ACSL6: variants seen among roughly 807,000 people sequenced by gnomAD.
ACSL6 encodes the protein acyl-CoA synthetase long chain family member 6, also known as long-chain-fatty-acid--CoA ligase 6.
In ACSL6, 47 loss-of-function variants were observed where a neutral mutation model predicts 98.2. That is an observed-to-expected ratio of 0.48 (90% confidence interval 0.38 to 0.61). ACSL6 has a LOEUF of 0.61. Ranked by LOEUF, ACSL6 falls within the 20% of genes least tolerant of loss-of-function variation. The pLI is 0.00. For synonymous variants in ACSL6, 362 were observed against 336.9 expected (o/e 1.07, Z -0.82); for missense variants, 761 against 913.4 (o/e 0.83, Z 2.15).
At chr5:131,993,577 C>T (rs1002811193) in intron 2 of ACSL6, among the ~76,000 whole-genome samples, 4 of 152,220 alleles carry the variant, frequency 2.6e-5, no homozygotes, top group African/African-American at 9.6e-5. Flanking sequence ...CCCTTGTCCA[C>T]TGGCCCTTGT....
At position 132,011,405 on chromosome 5, in the gene ACSL6, G is replaced by C; in HGVS notation, c.49+100C>G. On this transcript the variant is annotated intron_variant, in intron 1 of 20. Transcript: ENST00000651883. The surrounding 1 kb of genome is among the most constrained non-coding windows in gnomAD (Gnocchi z 5.4). ...GGGACAGCTCAGCAGCAGGGGATGG[G>C]GGCTCGGCGGCCGCGGAGATGTAAC... 3.1e-6 allele frequency: 4 copies of C among 1,296,732 alleles called. No individual in the cohort carries two copies. Among genetic ancestry groups the C allele is most frequent in the East Asian group, 2.5e-5 (1 of 40,758 alleles). The allele number at this position is 1,296,732 out of a possible 1,614,324, so 80.3% of individuals were successfully genotyped here.
intron 9 of ACSL6, chr5:131,984,923 A>C: frequency 5.2e-6 from 1 of 192,974 alleles, no homozygotes; most frequent in Non-Finnish European, 1.1e-5. Context: ...CAGATGAGAA[A>C]CTGGGGACAC....
At position 131,962,579 on chromosome 5, in the gene ACSL6, T is replaced by G; in HGVS notation, c.1813A>C (p.Ser605Arg). Residue 605 changes from serine to arginine, a missense_variant, in exon 18 of 21, where the codon AGC (serine) becomes CGC (arginine). Ser to Arg is a moderately radical substitution (Grantham distance 110). Coordinates refer to ENST00000651883, the MANE Select transcript of ACSL6 (RefSeq NM_001009185.3). ...ACATAGATTTGCGCCACAGGTTGGC[T>G]CCGGATGTAGATGTTCTCAATCTTC... is the stretch of plus-strand genomic sequence containing the variant. The part of the protein sequence containing the change: ...PEKIENIYIR[S>R]QPVAQIYVHG... 6.2e-7 allele frequency: 1 copy of G among 1,614,144 alleles called. No individual in the cohort carries two copies. Among genetic ancestry groups the G allele is most frequent in the South Asian group, 1.1e-5 (1 of 91,080 alleles).
At chr5:131,974,851 A>G (rs1271222533) in intron 11 of ACSL6, 42 bp downstream of exon 11, 2 of 1,613,780 alleles carry the variant, frequency 1.2e-6, no homozygotes, top group African/African-American at 2.7e-5. Context: ...AGAAAAAAGA[A>G]GGAGCCCAGG....
intron 9 of ACSL6, among the ~76,000 whole-genome samples, chr5:131,981,205 C>T (rs954776566): frequency 2.0e-5 from 3 of 151,984 alleles, no homozygotes; most frequent in African/African-American, 7.3e-5. Flanking sequence ...CCAGTGGCCC[C>T]TTCTCAGCTA....
intron 1 of ACSL6, among the ~76,000 whole-genome samples, chr5:131,997,157 G>A (rs1237026351): frequency 6.6e-6 from 1 of 152,162 alleles, no homozygotes; most frequent in African/African-American, 2.4e-5. Flanking sequence ...GTCCTCAGTG[G>A]GAGGAAGAAG....
intron 18 of ACSL6, among the ~76,000 whole-genome samples, chr5:131,961,891 G>T (rs1752728515): frequency 6.6e-6 from 1 of 151,934 alleles, no homozygotes; most frequent in Non-Finnish European, 1.5e-5. Context: ...AATCAAAACA[G>T]GCCAGGTGTG....
At chr5:131,988,015 A>G in intron 7 of ACSL6, 33 bp downstream of exon 7, 1 of 1,606,950 alleles carries the variant, frequency 6.2e-7, no homozygotes, top group Non-Finnish European at 8.5e-7. Context: ...AGCCAGCAGT[A>G]GCCCAGCAAA....
chr5:132,007,792 G>C lies in ACSL6; in HGVS notation c.49+3713C>G, dbSNP rs772468116. 5.4e-4 allele frequency among the ~76,000 whole-genome samples: 82 copies of C among 152,200 alleles called. 1 individual carries two copies. The highest frequency in any genetic ancestry group is 1.9e-4 in the Non-Finnish European group (13 of 68,038). On this transcript the variant is annotated intron_variant, in intron 1 of 20. Coordinates refer to ENST00000651883, the MANE Select transcript of ACSL6 (RefSeq NM_001009185.3). ...TATTTGAGTGCCTACTATGTGCCCA[G>C]TGCTGGCTGGATACACAGTGTAGCT...
chr5:131,990,335 G>C lies in ACSL6; in HGVS notation c.386-171C>G, dbSNP rs138543353. On this transcript the variant is annotated intron_variant, in intron 3 of 20. Transcript: ENST00000651883. ...CTGTCTAATCTGCTGAAGCCCAAGAGGGCCTAAAGCACATAAGTATGGCAT... is the reference window on the plus strand; with the variant it reads ...CTGTCTAATCTGCTGAAGCCCAAGACGGCCTAAAGCACATAAGTATGGCAT... Among the ~76,000 whole-genome samples the C allele has an allele frequency of 3.7e-3, 564 of 152,320 alleles. 5 individuals carry two copies. Among genetic ancestry groups the C allele is most frequent in the Admixed American group, 8.0e-3 (123 of 15,306 alleles).
At chr5:131,961,726 T>A (rs972256268) in intron 18 of ACSL6, among the ~76,000 whole-genome samples, 1 of 151,934 alleles carries the variant, frequency 6.6e-6, no homozygotes, top group Non-Finnish European at 1.5e-5. Context: ...ATACTCATGA[T>A]CTTTCTGACT....
Position 131,986,250 on chromosome 5 carries a change from C to T in ACSL6, c.864+572G>A, listed in dbSNP as rs564089754. On this transcript the variant is annotated intron_variant, in intron 8 of 20. Coordinates refer to ENST00000651883, the MANE Select transcript of ACSL6 (RefSeq NM_001009185.3). ...AGTGCCCTGGGAAGCCGGGGGTGACCTGCTCAGGCCTGTGTGAAGGGAGAG... is the reference window on the plus strand; with the variant it reads ...AGTGCCCTGGGAAGCCGGGGGTGACTTGCTCAGGCCTGTGTGAAGGGAGAG... Among the ~76,000 whole-genome samples the T allele has an allele frequency of 2.0e-5, 3 of 152,308 alleles. No homozygotes were observed. In the South Asian group the frequency reaches 6.2e-4, roughly 32 times the overall value.
intron 8 of ACSL6, 73 bp downstream of exon 8, chr5:131,986,749 A>G: frequency 1.3e-6 from 2 of 1,567,016 alleles, no homozygotes; most frequent in Non-Finnish European, 8.8e-7. Flanking sequence ...TTCTGTGCAC[A>G]GTGAGGGACT....
Position 132,011,557 on chromosome 5 carries a change from G to C in ACSL6, c.-4C>G, listed in dbSNP as rs1418484993. 1.3e-6 allele frequency: 2 copies of C among 1,586,420 alleles called. No individual in the cohort carries two copies. Among genetic ancestry groups the C allele is most frequent in the African/African-American group, 2.8e-5 (2 of 72,204 alleles). On this transcript the variant is annotated 5_prime_UTR_variant, in exon 1 of 21. Coordinates refer to ENST00000651883, the MANE Select transcript of ACSL6 (RefSeq NM_001009185.3). This position sits in a 1 kb window ranked among gnomAD's most constrained non-coding sequence, Gnocchi z 5.4. Reference sequence around the variant, plus strand: ...ACACGAGGAAGAAGGTCAGCATGGCGGTCAGCGGGGCCCGGCCCGGCCCGG... The same window carrying C: ...ACACGAGGAAGAAGGTCAGCATGGCCGTCAGCGGGGCCCGGCCCGGCCCGG...
intron 6 of ACSL6, chr5:131,988,448 C>T: frequency 6.2e-6 from 9 of 1,460,418 alleles, no homozygotes; most frequent in East Asian, 2.3e-5. Context: ...AAGCAGAGTC[C>T]AAGCTCCCCT....
intron 7 of ACSL6, 134 bp from the exon 8 acceptor site, chr5:131,986,988 C>A: frequency 1.3e-6 from 1 of 756,236 alleles, no homozygotes; most frequent in Non-Finnish European, 2.2e-6. Context: ...CACTCACACA[C>A]ACACACACAC....
intron 5 of ACSL6, 27 bp downstream of exon 5, chr5:131,989,380 C>T (rs1361393626): frequency 1.9e-5 from 31 of 1,609,584 alleles, no homozygotes; most frequent in Non-Finnish European, 2.6e-5. Flanking sequence ...ACGAATCCCT[C>T]TAAAACCAGT....
intron 18 of ACSL6, 31 bp from the exon 19 acceptor site, chr5:131,960,652 A>G (rs1752659852): frequency 1.9e-6 from 3 of 1,555,958 alleles, no homozygotes; most frequent in South Asian, 1.2e-5. Flanking sequence ...GAACACAGTC[A>G]TGACAAATGC....
intron 9 of ACSL6, chr5:131,984,887 C>T (rs770237191): frequency 5.2e-5 from 10 of 191,416 alleles, no homozygotes; most frequent in Non-Finnish European, 1.1e-4. Context: ...CCATCTCCCA[C>T]TTGGCACCTT....
Sources: allele counts gnomAD v4.1 joint callset (sites outside exome capture counted in the v4.1 genomes callset), GRCh38; gene constraint gnomAD v4.1.1; non-coding constraint Gnocchi (gnomAD v3.1); transcripts MANE v1.5; gene names NCBI Gene and HGNC (gene_info 2026-07-23, HGNC 2026-07-21).